MAN2B2: variants seen among roughly 807,000 people sequenced by gnomAD.
The protein encoded by MAN2B2 is epididymis-specific alpha-mannosidase.
Under a neutral mutation model 117.1 loss-of-function variants are expected in MAN2B2, and 106 were observed. The observed-to-expected ratio is 0.90, with a 90% CI of 0.77 to 1.06. MAN2B2 has a LOEUF of 1.06. Among genes scored for constraint, MAN2B2 ranks in the 50% least tolerant of loss-of-function variants. MAN2B2 has a pLI of 0.00. For missense variants in MAN2B2, 1,326 were observed against 1,381.4 expected (o/e 0.96, Z 0.64); for synonymous variants, 544 against 595.1 (o/e 0.91, Z 1.25).
At position 6,593,244 on chromosome 4, in the gene MAN2B2, G is replaced by A. The variant is rs140896144; in HGVS notation, c.752G>A (p.Ser251Asn). ...PPQDGVYPNM[S>N]EPVTPANINL... ...CAAGATGGGGTGTACCCCAACATGA[G>A]TGAGCCTGTCACCCCAGCCAACATC... Residue 251 changes from serine to asparagine, a missense_variant, in exon 6 of 19, where the codon AGT becomes AAT. Transcript: ENST00000285599. 1.2e-6 allele frequency: 2 copies of A among 1,614,018 alleles called. No individual in the cohort carries two copies. The highest frequency in any genetic ancestry group is 2.2e-5 in the East Asian group (1 of 44,866).
intron 11 of MAN2B2, 121 bp downstream of exon 11, chr4:6,605,450 C>A: frequency 9.0e-7 from 1 of 1,112,822 alleles, no homozygotes; most frequent in Non-Finnish European, 1.3e-6. Flanking sequence ...GGTGGTGAAA[C>A]CCCTTCCTGC....
At chr4:6,575,679 G>T (rs1484272811) in intron 1 of MAN2B2, among the ~76,000 whole-genome samples, 2 of 152,196 alleles carry the variant, frequency 1.3e-5, no homozygotes, top group African/African-American at 4.8e-5. Context: ...CAGAGCAGGT[G>T]GATGTCAGGT....
chr4:6,597,963 G>A (rs1274696962), intron 8 of MAN2B2, among the ~76,000 whole-genome samples: 1 of 152,230 alleles, frequency 6.6e-6, no homozygotes, highest in African/African-American at 2.4e-5. Flanking sequence ...GTCCTTCAGA[G>A]CAGGGGGTCC....
At position 6,594,380 on chromosome 4, in the gene MAN2B2, G is replaced by A. The variant is rs113456209; in HGVS notation, c.859-154G>A. On this transcript the variant is annotated intron_variant, in intron 6 of 18. Coordinates refer to ENST00000285599, the MANE Select transcript of MAN2B2 (RefSeq NM_015274.3). ...CCGGGAGGCGGAGGTTGCATGAGCC[G>A]AGATCAAGCCACTGCTATGGGAGCT... Among the ~76,000 whole-genome samples, 672 of 152,322 alleles carry A rather than the reference G, an allele frequency of 4.4e-3. 6 individuals carry two copies. Among genetic ancestry groups the A allele is most frequent in the African/African-American group, 0.015 (616 of 41,566 alleles).
At chr4:6,576,503 C>T in intron 1 of MAN2B2, 75 bp from the exon 2 acceptor site, 2 of 1,563,426 alleles carry the variant, frequency 1.3e-6, no homozygotes, top group Admixed American at 1.7e-5. Flanking sequence ...GCAGACACAC[C>T]TGGCGAATGG....
At chr4:6,605,583 GA>G (rs375217079) in intron 11 of MAN2B2, among the ~76,000 whole-genome samples, 6 of 151,322 alleles carry the variant, frequency 4.0e-5, no homozygotes, top group African/African-American at 1.2e-4. Flanking sequence ...CTCACTCTGG[GA>G]AAAAAAAATT....
Position 6,623,306 on chromosome 4 carries a change from T to C in MAN2B2, c.*2021T>C, listed in dbSNP as rs1473518278. On this transcript the variant is annotated 3_prime_UTR_variant, in exon 19 of 19. Transcript: ENST00000285599. Reference sequence around the variant, plus strand: ...CTGGGAGGCGGAGGAGACCTCCGCCTCTGCACTCCAGCCTGGGTGACAAGA... The same window carrying C: ...CTGGGAGGCGGAGGAGACCTCCGCCCCTGCACTCCAGCCTGGGTGACAAGA... 6.7e-6 allele frequency: 1 copy of C among 149,430 alleles called. No individual in the cohort carries two copies. The highest frequency in any genetic ancestry group is 1.5e-5 in the Non-Finnish European group (1 of 67,804). The allele number at this position is 149,430 out of a possible 1,614,324, so 9.3% of individuals were successfully genotyped here.
At chr4:6,596,996 G>A in intron 7 of MAN2B2, 117 bp from the exon 8 acceptor site, 1 of 1,027,426 alleles carries the variant, frequency 9.7e-7, no homozygotes, top group Non-Finnish European at 1.4e-6. Flanking sequence ...TGCCTCCTTG[G>A]GTGACCCTGG....
intron 17 of MAN2B2, chr4:6,618,273 G>T (rs1409439943): frequency 6.6e-6 from 1 of 152,182 alleles, no homozygotes; most frequent in Non-Finnish European, 1.5e-5. Context: ...GGCGTGAGTG[G>T]CCTGTATTTT....
At chr4:6,585,407 A>C (rs1342013431) in intron 3 of MAN2B2, among the ~76,000 whole-genome samples, 1 of 152,192 alleles carries the variant, frequency 6.6e-6, no homozygotes, top group Non-Finnish European at 1.5e-5. Flanking sequence ...AGGTGTTAGA[A>C]AGATTATATT....
chr4:6,593,277 A>G lies in MAN2B2; in HGVS notation c.785A>G (p.Tyr262Cys), dbSNP rs762899134. The G allele has an allele frequency of 2.8e-5, 45 of 1,613,830 alleles. No homozygotes were observed. The South Asian group carries it at 4.4e-4, about 16-fold the overall frequency. Residue 262 changes from tyrosine to cysteine, a missense_variant, in exon 6 of 19, where the codon TAT becomes TGT. Tyr to Cys is a radical substitution (Grantham distance 194). Transcript: ENST00000285599. ...EPVTPANINL[Y>C]AEALVANVKQ... ...GTCACCCCAGCCAACATCAACCTCTATGCCGAGGCCCTGGTGGCCAACGTG... is the reference window on the plus strand; with the variant it reads ...GTCACCCCAGCCAACATCAACCTCTGTGCCGAGGCCCTGGTGGCCAACGTG...
chr4:6,610,123 G>GCAGTAGAGGC lies in MAN2B2; in HGVS notation c.2259+85_2259+94dup, dbSNP rs138906888. 3,433 of 1,586,352 alleles carry GCAGTAGAGGC rather than the reference G, an allele frequency of 2.2e-3. 83 individuals are homozygous for GCAGTAGAGGC. The African/African-American group carries it at 0.04, about 18-fold the overall frequency. ...TGGACCCATTAAGCATCAAATTGCA[G>GCAGTAGAGGC]CAGTAGAGGCCAGTAGAGGCCTCCA... On this transcript the variant is annotated intron_variant, in intron 13 of 18. Coordinates refer to ENST00000285599, the MANE Select transcript of MAN2B2 (RefSeq NM_015274.3).
chr4:6,581,262 G>A (rs1577272315), intron 3 of MAN2B2, among the ~76,000 whole-genome samples: 1 of 152,126 alleles, frequency 6.6e-6, no homozygotes, highest in African/African-American at 2.4e-5. Context: ...CCCTCTCACT[G>A]GCGGCTGAGC....
rs200793789 is a variant in MAN2B2 at position 6,576,651 on chromosome 4, G to A, written c.212G>A (p.Arg71Gln). Residue 71 changes from arginine (R) to glutamine (Q), a missense_variant, in exon 2 of 19, where the codon CGG becomes CAG. Arg to Gln is a conservative substitution (Grantham distance 43). Transcript: ENST00000285599. ...VEELARGQQR[R>Q]FIAVEQEFFR... Reference sequence around the variant, plus strand: ...GAGCTGGCCCGCGGCCAGCAGCGCCGGTTCATCGCTGTGGAGCAGGAGTTT... The same window carrying A: ...GAGCTGGCCCGCGGCCAGCAGCGCCAGTTCATCGCTGTGGAGCAGGAGTTT... 2.2e-4 allele frequency: 354 copies of A among 1,613,998 alleles called. No individual in the cohort carries two copies. In the East Asian group the frequency reaches 4.6e-3, roughly 21 times the overall value.
rs772040309 is a variant in MAN2B2, at chr4:6,614,296, G to T, written c.2642G>T (p.Ser881Ile). The T allele has an allele frequency of 1.3e-5, 21 of 1,614,148 alleles. No homozygotes were observed. The South Asian group carries it at 2.0e-4, about 15-fold the overall frequency. Residue 881 changes from serine to isoleucine, a missense_variant, in exon 16 of 19, where the codon AGC (serine) becomes ATC (isoleucine). Transcript: ENST00000285599. ...CCGAATCTTCACCTGCAGATCCTGA[G>T]CATCCCTGGCTGGCGCTACAGCTCC... Reference protein sequence around the residue: ...LPPNLHLQILSIPGWRYSSNH... With the variant: ...LPPNLHLQILIIPGWRYSSNH...
At chr4:6,583,378 CTGGGAGTCCATT>C (rs142146105) in intron 3 of MAN2B2, among the ~76,000 whole-genome samples, 49,654 of 151,946 alleles carry the variant, frequency 0.33, 9,564 homozygotes, top group East Asian at 0.6. Flanking sequence ...TAGTCTCTGG[CTGGGAGTCCATT>C]TGCCCTGCTA....
intron 8 of MAN2B2, 31 bp from the exon 9 acceptor site, chr4:6,598,167 T>C: frequency 1.2e-6 from 2 of 1,605,954 alleles, no homozygotes; most frequent in South Asian, 2.2e-5. Flanking sequence ...GTCCTGATCC[T>C]GTTCTTCCTC....
rs769831711 is a variant in MAN2B2 at position 6,598,179 on chromosome 4, C to A, written c.1249-19C>A. On this transcript the variant is annotated intron_variant, in intron 8 of 18. Coordinates refer to ENST00000285599, the MANE Select transcript of MAN2B2 (RefSeq NM_015274.3). Reference sequence around the variant, plus strand: ...CAGGTCCTGATCCTGTTCTTCCTCCCCTCTGGGGGTTGCTGCAGGTCCAGC... The same window carrying A: ...CAGGTCCTGATCCTGTTCTTCCTCCACTCTGGGGGTTGCTGCAGGTCCAGC... 3 of 1,610,758 alleles carry A rather than the reference C, an allele frequency of 1.9e-6. No homozygotes were observed. In the South Asian group the frequency reaches 3.3e-5, roughly 18 times the overall value.
At chr4:6,599,662 C>CAAA (rs34126657) in intron 9 of MAN2B2, among the ~76,000 whole-genome samples, 1 of 93,386 alleles carries the variant, frequency 1.1e-5, no homozygotes, top group Admixed American at 1.1e-4. Flanking sequence ...GACTCCGTCT[C>CAAA]AAAAAAAAAA....
Sources: allele counts gnomAD v4.1 joint callset (sites outside exome capture counted in the v4.1 genomes callset), GRCh38; gene constraint gnomAD v4.1.1; transcripts MANE v1.5; gene names NCBI Gene and HGNC (gene_info 2026-07-23, HGNC 2026-07-21).